The following MAZ variants were observed in gnomAD, a reference collection of about 807,000 sequenced individuals.
MAZ encodes MYC associated zinc finger protein, also known as myc-associated zinc finger protein.
A neutral mutation model predicts 32.7 loss-of-function variants in MAZ; 4 were observed. The observed-to-expected ratio is 0.12, with a 90% confidence interval of 0.06 to 0.28. The LOEUF is 0.28. Ranked by LOEUF, MAZ falls within the 10% of genes least tolerant of loss-of-function variation. The probability of loss-of-function intolerance (pLI) is 1.00; values close to 1 mark genes in which losing one functional copy is unlikely to be tolerated. For missense variants in MAZ, 763 were observed against 667.2 expected, an observed-to-expected ratio of 1.14 and a Z score of -1.58; for synonymous variants, 510 against 297.6, an observed-to-expected ratio of 1.71 and a Z score of -7.35.
chr16:29,808,327 A>T, intron 3 of MAZ, 34 bp downstream of exon 3: 1 of 1,593,284 alleles, frequency 6.3e-7, no homozygotes, highest in Non-Finnish European at 8.6e-7. Context: ...CTTGGTTTTC[A>T]TGATTTTGAT....
Position 29,806,965 on chromosome 16 carries a change from C to A in MAZ, c.193-13C>A. The A allele has an allele frequency of 9.4e-6, 10 of 1,067,318 alleles. No homozygotes were observed. Among genetic ancestry groups the A allele is most frequent in the Non-Finnish European group, 1.0e-5 (9 of 886,118 alleles). 66.1% of individuals were successfully genotyped at this position (1,067,318 alleles called of 1,614,324 possible). A position where few individuals can be genotyped will look rare whatever the true frequency, so the allele number is the denominator to read the frequency against. ...CCCGCACCCGCGGCCCACTCGGCGCCTTGTCTCCGCAGGCCGCGCCGGCGC... is the reference window on the plus strand; with the variant it reads ...CCCGCACCCGCGGCCCACTCGGCGCATTGTCTCCGCAGGCCGCGCCGGCGC... On this transcript the variant is annotated splice_polypyrimidine_tract_variant and intron_variant, in intron 1 of 4. Transcript: ENST00000322945.
chr16:29,809,840 A>G, intron 4 of MAZ: 4 of 968,980 alleles, frequency 4.1e-6, no homozygotes, highest in Non-Finnish European at 5.9e-6. Flanking sequence ...CCAATAGGGG[A>G]TCTCAGGAAG....
In MAZ at chr16:29,807,407, C is replaced by T; in HGVS notation, c.622C>T (p.His208Tyr). The change falls in exon 2 of 5, where the codon CAC becomes TAC. Residue 208 changes from histidine (H) to tyrosine (Y), a missense_variant. Physicochemically the swap from His to Tyr is moderately conservative, Grantham distance 83 (BLOSUM62 2). Transcript: ENST00000322945. ...EFKNGYNLRR[H>Y]EAIHTGAKAG... The stretch of plus-strand genomic sequence containing the variant: ...CAAGAACGGCTACAATCTCCGGAGG[C>T]ACGAAGCCATCCACACGGGAGCCAA... The T allele has an allele frequency of 1.2e-6, 2 of 1,612,414 alleles. No homozygotes were observed. Among genetic ancestry groups the T allele is most frequent in the Non-Finnish European group, 8.5e-7 (1 of 1,179,762 alleles).
chr16:29,810,905 GGA>G lies in MAZ; in HGVS notation c.*676_*677del. 1 of 341,148 alleles carries G rather than the reference GGA, an allele frequency of 2.9e-6. No homozygotes were observed. Among genetic ancestry groups the G allele is most frequent in the Admixed American group, 4.0e-5 (1 of 24,876 alleles). 21.1% of individuals were successfully genotyped at this position (341,148 alleles called of 1,614,324 possible). ...GGAGGGCCAGAGGCAGAGAAGAGAT[GGA>G]GTCTTAGGGGCCAGGGTGAGCGAGG... On this transcript the variant is annotated 3_prime_UTR_variant, in exon 5 of 5. Transcript: ENST00000322945.
At chr16:29,809,272 G>T (rs956262738) in intron 4 of MAZ, 8 of 545,552 alleles carry the variant, frequency 1.5e-5, no homozygotes, top group Non-Finnish European at 2.6e-5. Flanking sequence ...TCAGTGTCTC[G>T]TCATCCTGGG....
intron 3 of MAZ, 132 bp from the exon 4 acceptor site, chr16:29,808,438 C>G (rs779189102): frequency 4.1e-6 from 4 of 985,136 alleles, no homozygotes; most frequent in Middle Eastern, 2.1e-4. Context: ...AAGGCCTCAT[C>G]ATGTCACTCC....
chr16:29,809,679 C>T (rs775117702), intron 4 of MAZ: 7 of 1,551,174 alleles, frequency 4.5e-6, no homozygotes, highest in Non-Finnish European at 6.1e-6. Context: ...ACATGCAGAC[C>T]CATCTGGGGG....
At chr16:29,810,013 G>A in intron 4 of MAZ, 64 bp from the exon 5 acceptor site, 3 of 1,557,778 alleles carry the variant, frequency 1.9e-6, no homozygotes, top group African/African-American at 2.7e-5. Flanking sequence ...GGGAAGGTGT[G>A]GGGTGAGGGC....
At position 29,810,248 on chromosome 16, in the gene MAZ, G is replaced by A. The variant is rs749558904; in HGVS notation, c.*17G>A. The A allele has an allele frequency of 1.1e-5, 18 of 1,569,352 alleles. No individual in the cohort carries two copies. The highest frequency in any genetic ancestry group is 1.4e-5 in the Non-Finnish European group (16 of 1,157,230). On this transcript the variant is annotated 3_prime_UTR_variant, in exon 5 of 5. Transcript: ENST00000322945. The stretch of plus-strand genomic sequence containing the variant: ...CCCTGGTGAGCTCCAAGTTGGTTGC[G>A]GGGGAGAGGGGAGAATGGAGTAGAG...
chr16:29,809,956 G>A (rs1455394973), intron 4 of MAZ, 121 bp from the exon 5 acceptor site: 14 of 1,479,168 alleles, frequency 9.5e-6, no homozygotes, highest in Non-Finnish European at 1.3e-5. Flanking sequence ...GGCCTCTGGG[G>A]TCCAGATAGG....
chr16:29,808,069 C>T (rs1250445170), intron 2 of MAZ, 161 bp from the exon 3 acceptor site: 3 of 976,240 alleles, frequency 3.1e-6, no homozygotes, highest in East Asian at 2.6e-5. Context: ...GCGGCGGCAG[C>T]GGCTGCTGGG....
upstream of MAZ, among the ~76,000 whole-genome samples, chr16:29,806,336 G>GGCGC (rs1319144253): frequency 1.0e-5 from 1 of 95,780 alleles, no homozygotes; most frequent in Non-Finnish European, 2.2e-5. Flanking sequence ...GCGCCGGCTG[G>GGCGC]GCGCGCGCGC....
Position 29,810,129 on chromosome 16 carries a change from A to T in MAZ, c.1332A>T (p.Ala444=). The change falls in exon 5 of 5, where the codon GCA becomes GCT. Residue 444 remains alanine, a synonymous_variant. Coordinates refer to ENST00000322945, the MANE Select transcript of MAZ (RefSeq NM_002383.4). ...CGGCAGCGGCAGCGGCGGCAGCGGCAGCAGCGGCAGCAGTAGCAGCCCCTC... is the reference window on the plus strand; with the variant it reads ...CGGCAGCGGCAGCGGCGGCAGCGGCTGCAGCGGCAGCAGTAGCAGCCCCTC... The part of the protein sequence containing the change: ...MAAAAAAAAA[A]AAAAVAAPPT... The T allele has an allele frequency of 1.9e-6, 3 of 1,600,538 alleles. No homozygotes were observed. The highest frequency in any genetic ancestry group is 1.7e-6 in the Non-Finnish European group (2 of 1,171,830).
chr16:29,810,543 C>T lies in MAZ; in HGVS notation c.*312C>T, dbSNP rs769403121. ...CGTACCCCCTCTCCTCTCTGTAAGC[C>T]CATGCCCTGTCTTCCCAGGGACTTG... On this transcript the variant is annotated 3_prime_UTR_variant, in exon 5 of 5. Transcript: ENST00000322945. The T allele has an allele frequency of 2.9e-6, 2 of 701,028 alleles. No individual in the cohort carries two copies. The highest frequency in any genetic ancestry group is 3.0e-5 in the South Asian group (2 of 66,738). 43.4% of individuals were successfully genotyped at this position (701,028 alleles called of 1,614,324 possible).
In MAZ at chr16:29,807,012, C is replaced by A. The variant is rs1319161277; in HGVS notation, c.227C>A (p.Pro76Gln). The A allele has an allele frequency of 7.9e-6, 8 of 1,007,292 alleles. No homozygotes were observed. In the South Asian group the frequency reaches 2.7e-4, roughly 34 times the overall value. The allele number at this position is 1,007,292 out of a possible 1,614,324, so 62.4% of individuals were successfully genotyped here. ...APAPPPTPQAPAAEPLQVDLL... is the reference protein window; with the variant it reads ...APAPPPTPQAQAAEPLQVDLL... ...GCGCCCCCGCCCACGCCCCAGGCCC[C>A]GGCGGCCGAGCCCCTCCAGGTGGAC... is the stretch of plus-strand genomic sequence containing the variant. Residue 76 changes from proline (P) to glutamine (Q), a missense_variant, in exon 2 of 5, where the codon CCG (proline) becomes CAG (glutamine). Coordinates refer to ENST00000322945, the MANE Select transcript of MAZ (RefSeq NM_002383.4).
Position 29,807,163 on chromosome 16 carries a change from C to T in MAZ, c.378C>T (p.Ala126=). 9.2e-7 allele frequency: 1 copy of T among 1,091,168 alleles called. No homozygotes were observed. 67.6% of individuals were successfully genotyped at this position (1,091,168 alleles called of 1,614,324 possible). A position where few individuals can be genotyped will look rare whatever the true frequency, so the allele number is the denominator to read the frequency against. Residue 126 remains alanine (A), a synonymous_variant, in exon 2 of 5, where the codon GCC becomes GCT. Coordinates refer to ENST00000322945, the MANE Select transcript of MAZ (RefSeq NM_002383.4). ...PAAASTVDTA[A]LKQPPAPPPP... Reference sequence around the variant, plus strand: ...CCGCCTCTACGGTGGACACAGCGGCCCTGAAGCAGCCTCCGGCGCCCCCTC... The same window carrying T: ...CCGCCTCTACGGTGGACACAGCGGCTCTGAAGCAGCCTCCGGCGCCCCCTC...
Position 29,807,836 on chromosome 16 carries a change from C to G in MAZ, c.1043+8C>G, listed in dbSNP as rs776936483. On this transcript the variant is annotated splice_region_variant and intron_variant, in intron 2 of 4. Transcript: ENST00000322945. ...TGGCAAGAGCTTCTCCCGGTGTGCACGGGGCCTCGGCCGCCCGCTAGGCCG... is the reference window on the plus strand; with the variant it reads ...TGGCAAGAGCTTCTCCCGGTGTGCAGGGGGCCTCGGCCGCCCGCTAGGCCG... The G allele has an allele frequency of 1.2e-6, 2 of 1,600,386 alleles. No individual in the cohort carries two copies. Among genetic ancestry groups the G allele is most frequent in the Non-Finnish European group, 8.5e-7 (1 of 1,177,112 alleles).
intron 4 of MAZ, chr16:29,809,250 A>G (rs565356211): frequency 1.9e-6 from 1 of 530,754 alleles, no homozygotes; most frequent in African/African-American, 1.9e-5. Context: ...CAACCCTGCA[A>G]GTGGCTAGGA....
chr16:29,807,455 G>C lies in MAZ; in HGVS notation c.670G>C (p.Ala224Pro). The C allele has an allele frequency of 6.2e-7, 1 of 1,612,440 alleles. No homozygotes were observed. The highest frequency in any genetic ancestry group is 8.5e-7 in the Non-Finnish European group (1 of 1,179,756). The change falls in exon 2 of 5, where the codon GCT becomes CCT. Residue 224 changes from alanine (A) to proline (P), a missense_variant. Coordinates refer to ENST00000322945, the MANE Select transcript of MAZ (RefSeq NM_002383.4). ...GAKAGRVPSGAMKMPTMVPLS... is the reference protein window; with the variant it reads ...GAKAGRVPSGPMKMPTMVPLS... Reference sequence around the variant, plus strand: ...CAAGGCCGGCCGGGTCCCCTCGGGTGCTATGAAGATGCCGACCATGGTGCC... The same window carrying C: ...CAAGGCCGGCCGGGTCCCCTCGGGTCCTATGAAGATGCCGACCATGGTGCC...
Sources: gnomAD v4.1 joint callset for allele counts (sites outside exome capture counted in the v4.1 genomes callset) on GRCh38, gnomAD v4.1.1 for gene constraint, MANE v1.5 for transcripts, NCBI Gene and HGNC (gene_info 2026-07-23, HGNC 2026-07-21) for gene names.